Variants in ARHGAP15 observed in about 807,000 individuals in gnomAD.
The protein encoded by ARHGAP15 is Rho GTPase activating protein 15, also known as rho GTPase-activating protein 15.
In ARHGAP15, 51 loss-of-function variants were observed where a neutral mutation model predicts 63.7. The observed-to-expected ratio is 0.80, with a 90% confidence interval of 0.64 to 1.01. The LOEUF (loss-of-function observed/expected upper bound fraction) is 1.01. ARHGAP15 is among the 50% of genes least tolerant of loss of function. ARHGAP15 has a pLI of 0.00. For synonymous variants in ARHGAP15, 191 were observed against 193.8 expected (o/e 0.99, Z 0.12); for missense variants, 560 against 564.6 (o/e 0.99, Z 0.08).
chr2:143,738,799 T>G (rs972040016), intron 13 of ARHGAP15, among the ~76,000 whole-genome samples: 10 of 152,320 alleles, frequency 6.6e-5, no homozygotes, highest in African/African-American at 2.2e-4. Flanking sequence ...CAGACTGATA[T>G]GTCCTTAACG....
intron 8 of ARHGAP15, among the ~76,000 whole-genome samples, chr2:143,446,646 T>A (rs1006721378): frequency 3.3e-5 from 5 of 152,048 alleles, no homozygotes; most frequent in Non-Finnish European, 5.9e-5. Flanking sequence ...TTTTTTTTTT[T>A]ATTTAAGTTT....
chr2:143,514,477 C>T (rs929362933), intron 9 of ARHGAP15, among the ~76,000 whole-genome samples: 2 of 152,078 alleles, frequency 1.3e-5, no homozygotes, highest in Non-Finnish European at 2.9e-5. Flanking sequence ...AAATTTAGAA[C>T]TTTTTTTTCT....
intron 6 of ARHGAP15, among the ~76,000 whole-genome samples, chr2:143,297,261 A>C (rs966831641): frequency 2.0e-5 from 3 of 151,976 alleles, no homozygotes; most frequent in African/African-American, 7.2e-5. Context: ...CAGGTTACAA[A>C]ATTGGGAAGC....
chr2:143,222,186 C>T (rs969995512), intron 4 of ARHGAP15, among the ~76,000 whole-genome samples: 13 of 152,200 alleles, frequency 8.5e-5, no homozygotes, highest in Non-Finnish European at 1.5e-5. Flanking sequence ...AGTTCCTAGA[C>T]CAACCAGTTT....
At chr2:143,338,377 A>G (rs115575711) in intron 6 of ARHGAP15, among the ~76,000 whole-genome samples, 27 of 152,332 alleles carry the variant, frequency 1.8e-4, no homozygotes, top group African/African-American at 6.5e-4. Flanking sequence ...ATCAGATTCA[A>G]TGGTTCTTTG....
chr2:143,579,623 C>A (rs1265462560), intron 11 of ARHGAP15, among the ~76,000 whole-genome samples: 2 of 152,136 alleles, frequency 1.3e-5, no homozygotes, highest in Admixed American at 1.3e-4. Flanking sequence ...AACTCAAATG[C>A]ATCCCTGTTT....
intron 8 of ARHGAP15, among the ~76,000 whole-genome samples, chr2:143,446,204 T>C (rs1194400895): frequency 1.3e-5 from 2 of 150,500 alleles, no homozygotes; most frequent in East Asian, 3.9e-4. Flanking sequence ...AAAAAGATTA[T>C]ATATGTATTT....
chr2:143,653,783 CCT>C (rs1681292673), intron 12 of ARHGAP15, among the ~76,000 whole-genome samples: 1 of 152,112 alleles, frequency 6.6e-6, no homozygotes, highest in African/African-American at 2.4e-5. Context: ...CCATTTAATT[CCT>C]GTTTTGTTTC....
intron 6 of ARHGAP15, among the ~76,000 whole-genome samples, chr2:143,418,800 G>C (rs186467090): frequency 1.9e-4 from 29 of 152,272 alleles, no homozygotes; most frequent in Admixed American, 1.4e-3. Flanking sequence ...GGGTCTCTCT[G>C]TATCTGATGT....
chr2:143,583,731 G>T (rs1161121456), intron 11 of ARHGAP15, among the ~76,000 whole-genome samples: 1 of 152,178 alleles, frequency 6.6e-6, no homozygotes, highest in Non-Finnish European at 1.5e-5. Context: ...CTTGTGAACT[G>T]ACAAACAACT....
intron 1 of ARHGAP15, among the ~76,000 whole-genome samples, chr2:143,149,782 C>T (rs1689741109): frequency 6.6e-6 from 1 of 151,902 alleles, no homozygotes; most frequent in Admixed American, 6.6e-5. Flanking sequence ...TTCTTCTTTG[C>T]CAGGCTACAT....
chr2:143,535,636 A>C (rs940124887), intron 10 of ARHGAP15, among the ~76,000 whole-genome samples: 1 of 152,230 alleles, frequency 6.6e-6, no homozygotes, highest in Non-Finnish European at 1.5e-5. Context: ...TCAAATTGAT[A>C]ATCTTTCATT....
chr2:143,387,505 A>C (rs182887835), intron 6 of ARHGAP15, among the ~76,000 whole-genome samples: 1 of 152,312 alleles, frequency 6.6e-6, no homozygotes, highest in East Asian at 1.9e-4. Context: ...GCCCTGTTGT[A>C]TACTCTTTTC....
At chr2:143,346,992 T>C (rs561494497) in intron 6 of ARHGAP15, among the ~76,000 whole-genome samples, 1 of 152,176 alleles carries the variant, frequency 6.6e-6, no homozygotes, top group South Asian at 2.1e-4. Flanking sequence ...CTTTGGTCTG[T>C]TTATCATGGA....
chr2:143,579,958 TCA>T (rs1335221421), intron 11 of ARHGAP15, among the ~76,000 whole-genome samples: 1 of 145,476 alleles, frequency 6.9e-6, no homozygotes, highest in Non-Finnish European at 1.5e-5. Flanking sequence ...TCTTCAGCTC[TCA>T]GTGTTCTTTC....
chr2:143,457,492 A>C (rs1690717447), intron 8 of ARHGAP15, among the ~76,000 whole-genome samples: 2 of 151,574 alleles, frequency 1.3e-5, no homozygotes, highest in Non-Finnish European at 2.9e-5. Context: ...ATGCCACTGC[A>C]CTCCAGCCTG....
At chr2:143,761,781 A>C (rs1381944279) in intron 13 of ARHGAP15, among the ~76,000 whole-genome samples, 1 of 152,108 alleles carries the variant, frequency 6.6e-6, no homozygotes, top group Non-Finnish European at 1.5e-5. Flanking sequence ...TTATTTCTAA[A>C]ATAAACTTAA....
intron 10 of ARHGAP15, among the ~76,000 whole-genome samples, chr2:143,523,375 C>T (rs1028833584): frequency 9.9e-5 from 15 of 152,004 alleles, no homozygotes; most frequent in East Asian, 3.8e-4. Context: ...AAACCTTGAA[C>T]GATAAACACA....
rs185389521 is a variant in ARHGAP15, at chr2:143,252,529, C to T, written c.474+1929C>T. ...CATGGGGCCTCAGTCTTCTTACAGA[C>T]GCTTTATTTTTTTTTAGTCTTGTAC... On this transcript the variant is annotated intron_variant, in intron 6 of 13. Coordinates refer to ENST00000295095, the MANE Select transcript of ARHGAP15 (RefSeq NM_018460.4). 3.3e-3 allele frequency among the ~76,000 whole-genome samples: 499 copies of T among 152,004 alleles called. 2 individuals are homozygous for T. Among genetic ancestry groups the T allele is most frequent in the Non-Finnish European group, 5.2e-3 (356 of 67,902 alleles).
Sources: allele counts gnomAD v4.1 joint callset (sites outside exome capture counted in the v4.1 genomes callset), GRCh38; gene constraint gnomAD v4.1.1; transcripts MANE v1.5; gene names NCBI Gene and HGNC (gene_info 2026-07-23, HGNC 2026-07-21).